N4BP1: variants seen among roughly 807,000 people sequenced by gnomAD.
The protein encoded by N4BP1 is NEDD4-binding protein 1.
N4BP1 carries 21 observed loss-of-function variants against 70.9 expected under a neutral mutation model. The ratio of observed to expected loss-of-function variants is 0.30; its 90% CI spans 0.21 to 0.43. The LOEUF (loss-of-function observed/expected upper bound fraction) is 0.43. N4BP1 is among the 20% of genes least tolerant of loss of function. The probability of loss-of-function intolerance (pLI) is 1.00; values close to 1 mark genes in which losing one functional copy is unlikely to be tolerated. For synonymous variants in N4BP1, 387 were observed against 394.6 expected, an observed-to-expected ratio of 0.98 and a Z score of 0.23; for missense variants, 936 against 1,069.4, an observed-to-expected ratio of 0.88 and a Z score of 1.74.
intron 1 of N4BP1, among the ~76,000 whole-genome samples, chr16:48,603,009 G>C (rs1035772374): frequency 6.6e-6 from 1 of 151,784 alleles, no homozygotes. Context: ...CACACGCATA[G>C]AAAAATTCAT....
At chr16:48,602,805 A>G (rs1964522975) in intron 1 of N4BP1, among the ~76,000 whole-genome samples, 1 of 77,560 alleles carries the variant, frequency 1.3e-5, no homozygotes, top group Non-Finnish European at 2.3e-5. Flanking sequence ...AAAAATAAAT[A>G]AATAAATAAA....
In N4BP1 at chr16:48,562,166, T is replaced by C. The variant is rs763489564; in HGVS notation, c.477A>G (p.Glu159=). The change falls in exon 2 of 7, where the codon GAA becomes GAG. Residue 159 remains glutamate (E), a synonymous_variant. Coordinates refer to ENST00000262384, the MANE Select transcript of N4BP1 (RefSeq NM_153029.4). ...SSQKESEVKR[E]FKQFVEAHAD... The stretch of plus-strand genomic sequence containing the variant: ...CATGGGCTTCAACAAATTGTTTGAA[T>C]TCCCTTTTCACCTCTGATTCTTTCT... 8 of 1,613,900 alleles carry C rather than the reference T, an allele frequency of 5.0e-6. No homozygotes were observed. In the East Asian group the frequency reaches 6.7e-5, roughly 13 times the overall value.
rs890299500 is a variant in N4BP1 at position 48,543,197 on chromosome 16, G to A, written c.2398C>T (p.Pro800Ser). Reference sequence around the variant, plus strand: ...CTGGTGCTGGCTGCCTGGGTGCCAGGGACTCTGAAGCTGGGGTCAAACATG... The same window carrying A: ...CTGGTGCTGGCTGCCTGGGTGCCAGAGACTCTGAAGCTGGGGTCAAACATG... ...VGMFDPSFRV[P>S]GTQAASTSHQ... Residue 800 changes from proline to serine, a missense_variant, in exon 7 of 7, where the codon CCT becomes TCT. By Grantham distance (74) the Pro-to-Ser change is moderately conservative. This residue lies in a region of N4BP1 where 229 missense variants were observed against 343.5 expected (regional missense o/e 0.67). Coordinates refer to ENST00000262384, the MANE Select transcript of N4BP1 (RefSeq NM_153029.4). 1.9e-6 allele frequency: 3 copies of A among 1,579,570 alleles called. No homozygotes were observed. In the Admixed American group the frequency reaches 5.3e-5, roughly 28 times the overall value.
chr16:48,605,805 T>G (rs1964571364), intron 1 of N4BP1, among the ~76,000 whole-genome samples: 1 of 152,152 alleles, frequency 6.6e-6, no homozygotes, highest in South Asian at 2.1e-4. Context: ...GACTCTCCAC[T>G]GACTACTTGC....
In N4BP1 at chr16:48,545,438, C is replaced by T. The variant is rs371934515; in HGVS notation, c.2333+709G>A. 8.6e-5 allele frequency among the ~76,000 whole-genome samples: 13 copies of T among 151,364 alleles called. No homozygotes were observed. In the East Asian group the frequency reaches 1.2e-3, roughly 14 times the overall value. On this transcript the variant is annotated intron_variant, in intron 6 of 6. Coordinates refer to ENST00000262384, the MANE Select transcript of N4BP1 (RefSeq NM_153029.4). ...AAAAAAATACAAAAAATTAGCCAGG[C>T]ATGGTGGCGTGCACCTGTAATCCCA...
intron 2 of N4BP1, among the ~76,000 whole-genome samples, chr16:48,555,985 G>A (rs9921741): frequency 0.36 from 54,797 of 151,996 alleles, 10,106 homozygotes; most frequent in African/African-American, 0.42. Context: ...CTGGATAGAG[G>A]AGGAGTACCC....
At chr16:48,608,131 T>C (rs924316974) in intron 1 of N4BP1, among the ~76,000 whole-genome samples, 1 of 152,198 alleles carries the variant, frequency 6.6e-6, no homozygotes, top group African/African-American at 2.4e-5. Context: ...ATACATCCTT[T>C]CTTTCTGACA....
At chr16:48,551,236 A>G (rs1963661334) in intron 4 of N4BP1, 150 bp downstream of exon 4, 2 of 503,890 alleles carry the variant, frequency 4.0e-6, no homozygotes, top group Non-Finnish European at 7.2e-6. Context: ...TATGTAGCAA[A>G]TATCACTGAG....
intron 1 of N4BP1, among the ~76,000 whole-genome samples, chr16:48,601,840 A>G (rs550469575): frequency 6.6e-6 from 1 of 152,320 alleles, no homozygotes; most frequent in East Asian, 1.9e-4. Context: ...CCTCCTAAGT[A>G]GCTAGGACTA....
chr16:48,549,543 C>T (rs1486102635), intron 4 of N4BP1, among the ~76,000 whole-genome samples: 1 of 152,206 alleles, frequency 6.6e-6, no homozygotes, highest in African/African-American at 2.4e-5. Context: ...GGTCCCTGCC[C>T]GTGTCACAGA....
At chr16:48,557,017 A>C (rs1460468190) in intron 2 of N4BP1, among the ~76,000 whole-genome samples, 14 of 152,100 alleles carry the variant, frequency 9.2e-5, no homozygotes, top group Admixed American at 9.2e-4. Context: ...CTTACTCATC[A>C]TTTGACTCAT....
intron 5 of N4BP1, among the ~76,000 whole-genome samples, chr16:48,546,926 C>G (rs1963599202): frequency 6.6e-6 from 1 of 152,136 alleles, no homozygotes; most frequent in South Asian, 2.1e-4. Context: ...TGACAATGAG[C>G]CCAGGCAGAG....
At position 48,546,177 on chromosome 16, in the gene N4BP1, T is replaced by C; in HGVS notation, c.2303A>G (p.Glu768Gly). Residue 768 changes from glutamate (E) to glycine (G), a missense_variant, in exon 6 of 7, where the codon GAG becomes GGG. Glu to Gly is a moderately conservative substitution (Grantham distance 98). This residue lies in a region of N4BP1 where 229 missense variants were observed against 343.5 expected (regional missense o/e 0.67). Transcript: ENST00000262384. Reference protein sequence around the residue: ...DPLGRSGPRLEEFLQKEVCLR... With the variant: ...DPLGRSGPRLGEFLQKEVCLR... ...ACAGACTTCCTTCTGAAGAAACTCC[T>C]CTAATCGAGGTCCACTTCTTCCCAG... 1 of 1,612,990 alleles carries C rather than the reference T, an allele frequency of 6.2e-7. No individual in the cohort carries two copies. The highest frequency in any genetic ancestry group is 8.5e-7 in the Non-Finnish European group (1 of 1,179,400).
chr16:48,609,682 A>G, intron 1 of N4BP1, 93 bp downstream of exon 1: 1 of 1,117,928 alleles, frequency 8.9e-7, no homozygotes, highest in Middle Eastern at 3.4e-4. Flanking sequence ...ACCCAGGCGC[A>G]TCGCGGCGGA....
chr16:48,598,701 G>A (rs1964455489), intron 1 of N4BP1, among the ~76,000 whole-genome samples: 1 of 152,102 alleles, frequency 6.6e-6, no homozygotes, highest in Non-Finnish European at 1.5e-5. Flanking sequence ...GATTAATCAA[G>A]GCAAAATTGA....
chr16:48,601,059 T>C (rs1407073100), intron 1 of N4BP1, among the ~76,000 whole-genome samples: 1 of 152,234 alleles, frequency 6.6e-6, no homozygotes. Context: ...AACTAACAAT[T>C]TGTATGACAA....
At position 48,561,422 on chromosome 16, in the gene N4BP1, G is replaced by T; in HGVS notation, c.1221C>A (p.Asn407Lys). The change falls in exon 2 of 7, where the codon AAC becomes AAA. Residue 407 changes from asparagine (N) to lysine (K), a missense_variant. Asn to Lys is a moderately conservative substitution (Grantham distance 94). This residue lies in a region of N4BP1 where 515 missense variants were observed against 491.7 expected (regional missense o/e 1.05). Coordinates refer to ENST00000262384, the MANE Select transcript of N4BP1 (RefSeq NM_153029.4). ...TATAAACACCTTTATTTTTGGTTTTGTTGGTCTCTGGATACACTGTACCAG... is the reference window on the plus strand; with the variant it reads ...TATAAACACCTTTATTTTTGGTTTTTTTGGTCTCTGGATACACTGTACCAG... ...FSAGTVYPET[N>K]KTKNKGVYSS... 1 of 1,613,858 alleles carries T rather than the reference G, an allele frequency of 6.2e-7. No individual in the cohort carries two copies. Among genetic ancestry groups the T allele is most frequent in the Non-Finnish European group, 8.5e-7 (1 of 1,179,852 alleles).
chr16:48,555,390 G>C (rs575748044), intron 2 of N4BP1, among the ~76,000 whole-genome samples: 2 of 152,216 alleles, frequency 1.3e-5, no homozygotes, highest in Admixed American at 6.5e-5. Flanking sequence ...CTGCATGTGC[G>C]TTCCTTGAGA....
chr16:48,547,535 A>G (rs1475678150), intron 5 of N4BP1, among the ~76,000 whole-genome samples: 1 of 152,268 alleles, frequency 6.6e-6, no homozygotes. Context: ...ACCTCCAGAA[A>G]AGCATCAGAT....
Sources: allele counts gnomAD v4.1 joint callset (sites outside exome capture counted in the v4.1 genomes callset), GRCh38; gene constraint gnomAD v4.1.1; regional missense constraint gnomAD v4.1.1; transcripts MANE v1.5; gene names NCBI Gene and HGNC (gene_info 2026-07-23, HGNC 2026-07-21).